The following USE1 variants were observed in gnomAD, a reference collection of about 807,000 sequenced individuals.
USE1 encodes vesicle transport protein USE1.
USE1 carries 32 observed loss-of-function variants against 37.6 expected under a neutral mutation model. The observed-to-expected ratio is 0.85, with a 90% CI of 0.64 to 1.14. The LOEUF (loss-of-function observed/expected upper bound fraction) is 1.14, where lower values mean the gene tolerates loss of function less well. USE1 is among the 50% of genes most tolerant of loss of function. USE1 has a pLI of 0.00. For missense variants in USE1, 310 were observed against 332.2 expected, an observed-to-expected ratio of 0.93 and a Z score of 0.52; for synonymous variants, 149 against 137.6, an observed-to-expected ratio of 1.08 and a Z score of -0.58.
In USE1 at chr19:17,218,351, G is replaced by A. The variant is rs771714608; in HGVS notation, c.395-13G>A. 13 of 1,613,474 alleles carry A rather than the reference G, an allele frequency of 8.1e-6. No homozygotes were observed. The highest frequency in any genetic ancestry group is 2.7e-5 in the African/African-American group (2 of 74,892). Reference sequence around the variant, plus strand: ...AACACTCGCCTTTTTTGCTTGGCCTGTTTTGCTTTCAGAGCCTGAGATGGA... The same window carrying A: ...AACACTCGCCTTTTTTGCTTGGCCTATTTTGCTTTCAGAGCCTGAGATGGA... On this transcript the variant is annotated splice_polypyrimidine_tract_variant and intron_variant, in intron 5 of 7. Coordinates refer to ENST00000263897, the MANE Select transcript of USE1 (RefSeq NM_018467.4).
Position 17,216,396 on chromosome 19 carries a change from C to A in USE1, c.384+75C>A, listed in dbSNP as rs1026663379. 4.5e-6 allele frequency: 7 copies of A among 1,563,690 alleles called. No homozygotes were observed. The South Asian group carries it at 6.9e-5, about 15-fold the overall frequency. On this transcript the variant is annotated intron_variant, in intron 4 of 7. Coordinates refer to ENST00000263897, the MANE Select transcript of USE1 (RefSeq NM_018467.4). ...TTCTATGCTTGTAGGCAGCCAGAAC[C>A]ACAATACTGTCAGATACAGGAACCC... is the stretch of plus-strand genomic sequence containing the variant.
rs889188829 is a variant in USE1 at position 17,218,266 on chromosome 19, C to T, written c.395-98C>T. ...CGGGGCAGCAGACAAGATGAGGAAA[C>T]AGCATTCCAAGCAGTAGACCCAGCA... On this transcript the variant is annotated intron_variant, in intron 5 of 7. Transcript: ENST00000263897. 7.1e-6 allele frequency: 11 copies of T among 1,538,852 alleles called. No homozygotes were observed. In the African/African-American group the frequency reaches 9.6e-5, roughly 13 times the overall value.
rs1472987844 is a variant in USE1 at position 17,215,868 on chromosome 19, T to G, written c.152+17T>G. 4 of 1,603,014 alleles carry G rather than the reference T, an allele frequency of 2.5e-6. No individual in the cohort carries two copies. In the African/African-American group the frequency reaches 5.4e-5, roughly 21 times the overall value. On this transcript the variant is annotated intron_variant, in intron 2 of 7. Coordinates refer to ENST00000263897, the MANE Select transcript of USE1 (RefSeq NM_018467.4). ...CCACGCGAGGTGAGTGCAGGCAGCCTCAGGGCTTTCACATCAGCACGTGGC... is the reference window on the plus strand; with the variant it reads ...CCACGCGAGGTGAGTGCAGGCAGCCGCAGGGCTTTCACATCAGCACGTGGC...
rs529644990 is a variant in USE1, at chr19:17,217,768, C to T, written c.394+306C>T. 2.6e-3 allele frequency: 1,147 copies of T among 440,738 alleles called. 22 individuals carry two copies. Among genetic ancestry groups the T allele is most frequent in the South Asian group, 0.019 (1,116 of 58,638 alleles). 27.3% of individuals were successfully genotyped at this position (440,738 alleles called of 1,614,324 possible). On this transcript the variant is annotated intron_variant, in intron 5 of 7. Transcript: ENST00000263897. ...CTCTACTAAAAATACAAAACTTAGC[C>T]GGATGCAGTGCCACGTGTCTGTAGT...
chr19:17,217,688 G>A, intron 5 of USE1: 1 of 604,132 alleles, frequency 1.7e-6, no homozygotes, highest in Non-Finnish European at 3.0e-6. Context: ...GAGGCAGGTG[G>A]ATCACCTGAG....
At position 17,218,361 on chromosome 19, in the gene USE1, C is replaced by T; in HGVS notation, c.395-3C>T. 6.2e-7 allele frequency: 1 copy of T among 1,613,640 alleles called. No individual in the cohort carries two copies. Among genetic ancestry groups the T allele is most frequent in the Non-Finnish European group, 8.5e-7 (1 of 1,179,744 alleles). ...TTTTTTGCTTGGCCTGTTTTGCTTT[C>T]AGAGCCTGAGATGGACGTAAGGAAG... On this transcript the variant is annotated splice_region_variant and splice_polypyrimidine_tract_variant and intron_variant, in intron 5 of 7. Transcript: ENST00000263897.
At position 17,215,555 on chromosome 19, in the gene USE1, A is replaced by G. The variant is rs969018324; in HGVS notation, c.102+48A>G. 1.9e-6 allele frequency: 3 copies of G among 1,541,752 alleles called. No individual in the cohort carries two copies. The African/African-American group carries it at 4.1e-5, about 21-fold the overall frequency. ...CGTAGAGCCCGACTCCCGGGGGGTG[A>G]TTCCTAGGGTTGGAAGCCACCTGGC... On this transcript the variant is annotated intron_variant, in intron 1 of 7. Coordinates refer to ENST00000263897, the MANE Select transcript of USE1 (RefSeq NM_018467.4).
In USE1 at chr19:17,218,350, T is replaced by G; in HGVS notation, c.395-14T>G. 1 of 1,613,570 alleles carries G rather than the reference T, an allele frequency of 6.2e-7. No homozygotes were observed. Among genetic ancestry groups the G allele is most frequent in the South Asian group, 1.1e-5 (1 of 91,068 alleles). ...CAACACTCGCCTTTTTTGCTTGGCC[T>G]GTTTTGCTTTCAGAGCCTGAGATGG... is the stretch of plus-strand genomic sequence containing the variant. On this transcript the variant is annotated splice_polypyrimidine_tract_variant and intron_variant, in intron 5 of 7. Coordinates refer to ENST00000263897, the MANE Select transcript of USE1 (RefSeq NM_018467.4).
intron 6 of USE1, 26 bp from the exon 7 acceptor site, chr19:17,219,187 C>T (rs1362515835): frequency 6.3e-7 from 1 of 1,599,804 alleles, no homozygotes; most frequent in East Asian, 2.2e-5. Flanking sequence ...TCTCTCATGT[C>T]CTCCTCCCCC....
At position 17,216,219 on chromosome 19, in the gene USE1, T is replaced by C. The variant is rs749548605; in HGVS notation, c.282T>C (p.Arg94=). The stretch of plus-strand genomic sequence containing the variant: ...CCAACCAGTTCCTGGCCCCTGGCCG[T>C]GTGCCAACCACAGCCAGAGAGCGAG... ...ALANQFLAPG[R]VPTTARERVP... The change falls in exon 4 of 8, where the codon CGT becomes CGC. Residue 94 remains arginine, a synonymous_variant. Transcript: ENST00000263897. 61 of 1,612,788 alleles carry C rather than the reference T, an allele frequency of 3.8e-5. No homozygotes were observed. The Middle Eastern group carries it at 6.6e-4, about 17-fold the overall frequency.
chr19:17,219,493 C>T lies in USE1; in HGVS notation c.597+106C>T, dbSNP rs558380540. On this transcript the variant is annotated intron_variant, in intron 7 of 7. Coordinates refer to ENST00000263897, the MANE Select transcript of USE1 (RefSeq NM_018467.4). Reference sequence around the variant, plus strand: ...GGCTTTGCGGGATGAATAGGAGTTTCGTAGAAGGCAAAAATGGCATTCCCA... The same window carrying T: ...GGCTTTGCGGGATGAATAGGAGTTTTGTAGAAGGCAAAAATGGCATTCCCA... 83 of 1,434,458 alleles carry T rather than the reference C, an allele frequency of 5.8e-5. No homozygotes were observed. The African/African-American group carries it at 1.1e-3, about 19-fold the overall frequency. 88.9% of individuals were successfully genotyped at this position (1,434,458 alleles called of 1,614,324 possible). A position where few individuals can be genotyped will look rare whatever the true frequency, so the allele number is the denominator to read the frequency against.
At chr19:17,217,723 C>G (rs767382689) in intron 5 of USE1, 1 of 518,924 alleles carries the variant, frequency 1.9e-6, no homozygotes, top group South Asian at 1.5e-5. Flanking sequence ...ACCAACCTGG[C>G]CAACATGACA....
rs866900872 is a variant in USE1 at position 17,215,446 on chromosome 19, T to C, written c.41T>C (p.Leu14Pro). ...CTGGAGCTAAACCTGGTGCGGCTGC[T>C]ATCCCGCTGCGAGGCGATGGCAGCG... ...SRLELNLVRL[L>P]SRCEAMAAEK... Residue 14 changes from leucine to proline, a missense_variant, in exon 1 of 8, where the codon CTA becomes CCA. By Grantham distance (98) the Leu-to-Pro change is moderately conservative (BLOSUM62 -3). Transcript: ENST00000263897. 1.3e-6 allele frequency: 2 copies of C among 1,563,236 alleles called. No individual in the cohort carries two copies. Among genetic ancestry groups the C allele is most frequent in the Non-Finnish European group, 1.7e-6 (2 of 1,155,516 alleles).
chr19:17,215,883 C>G, intron 2 of USE1, 32 bp downstream of exon 2: 1 of 1,597,652 alleles, frequency 6.3e-7, no homozygotes, highest in East Asian at 2.3e-5. Flanking sequence ...GCTTTCACAT[C>G]AGCACGTGGC....
Position 17,215,489 on chromosome 19 carries a change from C to A in USE1, c.84C>A (p.Asp28Glu), listed in dbSNP as rs550089290. ...EAMAAEKRDP[D>E]EWRLEKYVGA... ...TGGCAGCGGAGAAACGGGACCCGGA[C>A]GAGTGGCGCCTGGAGAAGGTGAGGG... The change falls in exon 1 of 8, where the codon GAC becomes GAA. Residue 28 changes from aspartate (D) to glutamate (E), a missense_variant. Physicochemically the swap from Asp to Glu is conservative, Grantham distance 45. Transcript: ENST00000263897. 7 of 1,561,506 alleles carry A rather than the reference C, an allele frequency of 4.5e-6. No homozygotes were observed. The highest frequency in any genetic ancestry group is 6.1e-6 in the Non-Finnish European group (7 of 1,154,314).
Position 17,216,220 on chromosome 19 carries a change from G to C in USE1, c.283G>C (p.Val95Leu), listed in dbSNP as rs1303436526. ...LANQFLAPGR[V>L]PTTARERVPA... is the part of the protein sequence containing the mutation. The stretch of plus-strand genomic sequence containing the variant: ...CAACCAGTTCCTGGCCCCTGGCCGT[G>C]TGCCAACCACAGCCAGAGAGCGAGT... The change falls in exon 4 of 8, where the codon GTG becomes CTG. Residue 95 changes from valine to leucine, a missense_variant. Coordinates refer to ENST00000263897, the MANE Select transcript of USE1 (RefSeq NM_018467.4). 1 of 1,612,778 alleles carries C rather than the reference G, an allele frequency of 6.2e-7. No individual in the cohort carries two copies. The highest frequency in any genetic ancestry group is 1.7e-5 in the Admixed American group (1 of 59,996).
At position 17,219,640 on chromosome 19, in the gene USE1, C is replaced by T. The variant is rs750042348; in HGVS notation, c.607C>T (p.His203Tyr). 1 of 1,606,058 alleles carries T rather than the reference C, an allele frequency of 6.2e-7. No homozygotes were observed. Among genetic ancestry groups the T allele is most frequent in the Non-Finnish European group, 8.5e-7 (1 of 1,174,554 alleles). Residue 203 changes from histidine (H) to tyrosine (Y), a missense_variant, in exon 8 of 8, where the codon CAC (histidine) becomes TAC (tyrosine). Coordinates refer to ENST00000263897, the MANE Select transcript of USE1 (RefSeq NM_018467.4). ...TCCACCTCCCCCACAGACCCTGTCACACTCACTGAAAATGGCGGACCAGAA... is the reference window on the plus strand; with the variant it reads ...TCCACCTCCCCCACAGACCCTGTCATACTCACTGAAAATGGCGGACCAGAA... ...VIKKDNQTLS[H>Y]SLKMADQNLE...
Position 17,218,826 on chromosome 19 carries a change from C to CAA in USE1, c.423-368_423-367dup, listed in dbSNP as rs34769436. 384 of 66,884 alleles carry CAA rather than the reference C, an allele frequency of 5.7e-3. 6 individuals are homozygous for CAA. Among genetic ancestry groups the CAA allele is most frequent in the South Asian group, 8.2e-3 (15 of 1,822 alleles). The allele number at this position is 66,884 out of a possible 1,614,324, so 4.1% of individuals were successfully genotyped here. On this transcript the variant is annotated intron_variant, in intron 6 of 7. Coordinates refer to ENST00000263897, the MANE Select transcript of USE1 (RefSeq NM_018467.4). ...TGGGTGACAGAGCGAGATGCTGTCT[C>CAA]AAAAAAAAAAAAAAAAAAAAGGTCG...
chr19:17,217,484 A>C (rs772370674), intron 5 of USE1, 22 bp downstream of exon 5: 1 of 1,610,456 alleles, frequency 6.2e-7, no homozygotes, highest in Admixed American at 1.7e-5. Flanking sequence ...TGAACACAAC[A>C]GGACTTGAGG....
Sources: allele counts gnomAD v4.1 joint callset, GRCh38; gene constraint gnomAD v4.1.1; transcripts MANE v1.5; gene names NCBI Gene and HGNC (gene_info 2026-07-23, HGNC 2026-07-21).